Variants in TSHZ2 observed in about 807,000 individuals in gnomAD.
TSHZ2 encodes the protein teashirt zinc finger homeobox 2.
In TSHZ2, 21 loss-of-function variants were observed where a neutral mutation model predicts 74.4. The observed-to-expected ratio is 0.28, with a 90% CI of 0.20 to 0.41. TSHZ2 has a LOEUF of 0.41. TSHZ2 is among the 10% of genes least tolerant of loss of function. The pLI, the probability that TSHZ2 is intolerant of heterozygous loss-of-function variation, is 1.00. For missense variants in TSHZ2, 1,244 were observed against 1,293.5 expected, an observed-to-expected ratio of 0.96 and a Z score of 0.59; for synonymous variants, 540 against 515.3, an observed-to-expected ratio of 1.05 and a Z score of -0.65.
chr20:53,286,362 A>G (rs1991166676), intron 2 of TSHZ2, among the ~76,000 whole-genome samples: 1 of 152,252 alleles, frequency 6.6e-6, no homozygotes, highest in African/African-American at 2.4e-5. Flanking sequence ...AGTGTGAAAT[A>G]AGAAAACAGA....
intron 2 of TSHZ2, among the ~76,000 whole-genome samples, chr20:53,342,176 A>G (rs148319717): frequency 4.6e-5 from 7 of 152,060 alleles, no homozygotes; most frequent in African/African-American, 1.2e-4. Flanking sequence ...TCCATACTCT[A>G]TTCAGATTTC....
At chr20:53,279,020 A>G (rs1991001628) in intron 2 of TSHZ2, among the ~76,000 whole-genome samples, 1 of 152,264 alleles carries the variant, frequency 6.6e-6, no homozygotes, top group African/African-American at 2.4e-5. Context: ...ATGTTCTTAC[A>G]ATAAAGTAAG....
chr20:53,173,189 A>T (rs1036120119), intron 1 of TSHZ2, among the ~76,000 whole-genome samples: 1 of 152,264 alleles, frequency 6.6e-6, no homozygotes, highest in African/African-American at 2.4e-5. Context: ...GCCAGGGGGA[A>T]TAACTTTAAC....
intron 1 of TSHZ2, among the ~76,000 whole-genome samples, chr20:53,190,556 A>C (rs138090136): frequency 2.0e-5 from 3 of 152,272 alleles, no homozygotes; most frequent in Non-Finnish European, 4.4e-5. Flanking sequence ...CGAGACCTTT[A>C]AAAATAAAAG....
Position 53,382,432 on chromosome 20 carries a change from C to T in TSHZ2, c.*9-104712C>T, listed in dbSNP as rs372727864. ...GACTATCTCCCGTCCAAACAAGGAA[C>T]GGTCCCAGTGGTTAAAAGAACTGGA... On this transcript the variant is annotated intron_variant, in intron 2 of 2. Transcript: ENST00000371497. Among the ~76,000 whole-genome samples, 51 of 152,260 alleles carry T rather than the reference C, an allele frequency of 3.3e-4. 1 individual carries two copies. Among genetic ancestry groups the T allele is most frequent in the African/African-American group, 1.1e-3 (46 of 41,530 alleles).
chr20:53,337,819 C>T (rs1980017333), intron 2 of TSHZ2, among the ~76,000 whole-genome samples: 1 of 152,118 alleles, frequency 6.6e-6, no homozygotes, highest in Non-Finnish European at 1.5e-5. Context: ...AAATGGAAAC[C>T]CTGTTAAAGA....
At chr20:52,973,483 C>T (rs1408091710) in intron 1 of TSHZ2, 150 bp downstream of exon 1, 1 of 1,026,972 alleles carries the variant, frequency 9.7e-7, no homozygotes, top group Non-Finnish European at 1.4e-6. Context: ...CCTCTCTCGC[C>T]TTCTCTGGTC....
chr20:53,482,951 A>C (rs1986196117), intron 2 of TSHZ2, among the ~76,000 whole-genome samples: 5 of 152,146 alleles, frequency 3.3e-5, no homozygotes, highest in African/African-American at 4.8e-5. Context: ...AAAAATAATA[A>C]TGTGTTTTCC....
At chr20:53,358,032 G>A (rs1980909055) in intron 2 of TSHZ2, among the ~76,000 whole-genome samples, 1 of 152,194 alleles carries the variant, frequency 6.6e-6, no homozygotes, top group Admixed American at 6.5e-5. Context: ...GAAAGAACCA[G>A]GGAGAGATGG....
chr20:53,030,572 G>C (rs1983599320), intron 1 of TSHZ2, among the ~76,000 whole-genome samples: 1 of 152,192 alleles, frequency 6.6e-6, no homozygotes, highest in Non-Finnish European at 1.5e-5. Flanking sequence ...CATCAATTCT[G>C]ATGAGATATA....
At chr20:53,028,637 A>C (rs528907754) in intron 1 of TSHZ2, among the ~76,000 whole-genome samples, 1 of 152,284 alleles carries the variant, frequency 6.6e-6, no homozygotes, top group African/African-American at 2.4e-5. Context: ...TCTTGGACCT[A>C]CTGAGTCAGT....
intron 2 of TSHZ2, among the ~76,000 whole-genome samples, chr20:53,447,091 T>C (rs372234917): frequency 1.2e-4 from 19 of 152,306 alleles, no homozygotes; most frequent in East Asian, 9.6e-4. Flanking sequence ...TTGCTCCTTC[T>C]CAATAGTCAC....
At chr20:53,110,649 T>A (rs2123321665) in intron 1 of TSHZ2, among the ~76,000 whole-genome samples, 1 of 152,090 alleles carries the variant, frequency 6.6e-6, no homozygotes, top group South Asian at 2.1e-4. Flanking sequence ...TAAAGAGTAC[T>A]GGAAATATGG....
intron 1 of TSHZ2, among the ~76,000 whole-genome samples, chr20:53,091,865 A>G (rs1600685449): frequency 6.6e-6 from 1 of 152,222 alleles, no homozygotes; most frequent in African/African-American, 2.4e-5. Context: ...GCAACATAAC[A>G]AGAGCCTGTC....
intron 1 of TSHZ2, among the ~76,000 whole-genome samples, chr20:53,121,761 G>A (rs1015911507): frequency 2.6e-5 from 4 of 151,944 alleles, no homozygotes; most frequent in African/African-American, 9.7e-5. Flanking sequence ...AGACTGCCAG[G>A]GTGTGGCTTT....
chr20:53,451,953 A>C (rs1481999227), intron 2 of TSHZ2, among the ~76,000 whole-genome samples: 1 of 152,274 alleles, frequency 6.6e-6, no homozygotes, highest in Non-Finnish European at 1.5e-5. Context: ...AAGCAGGTCG[A>C]ATCCAAGGCT....
chr20:53,242,307 C>G (rs1037909396), intron 1 of TSHZ2, among the ~76,000 whole-genome samples: 12 of 152,096 alleles, frequency 7.9e-5, no homozygotes, highest in African/African-American at 4.8e-5. Context: ...CCCTGGGGAA[C>G]AAAAACCACC....
At chr20:53,433,830 T>C (rs548701663) in intron 2 of TSHZ2, among the ~76,000 whole-genome samples, 1 of 152,320 alleles carries the variant, frequency 6.6e-6, no homozygotes, top group East Asian at 1.9e-4. Context: ...GTTGACTAGA[T>C]ACAGTATTGG....
At chr20:53,397,490 G>A (rs1982492385) in intron 2 of TSHZ2, among the ~76,000 whole-genome samples, 1 of 152,208 alleles carries the variant, frequency 6.6e-6, no homozygotes, top group Non-Finnish European at 1.5e-5. Context: ...GTGCTGGAGA[G>A]GATGTGGAGA....
Sources: allele counts gnomAD v4.1 joint callset (sites outside exome capture counted in the v4.1 genomes callset), GRCh38; gene constraint gnomAD v4.1.1; transcripts MANE v1.5; gene names NCBI Gene and HGNC (gene_info 2026-07-23, HGNC 2026-07-21).